The following BABAM2 variants were observed in gnomAD, a reference collection of about 807,000 sequenced individuals.
BABAM2 encodes BRISC and BRCA1-A complex member 2.
In BABAM2, 31 loss-of-function variants were observed where a neutral mutation model predicts 54.7. That is an observed-to-expected ratio of 0.57 (90% CI 0.43 to 0.77). BABAM2 has a LOEUF of 0.77. Ranked by LOEUF, BABAM2 falls within the 30% of genes least tolerant of loss-of-function variation. The pLI is 0.00. For synonymous variants in BABAM2, 167 were observed against 162.9 expected (o/e 1.03, Z -0.19); for missense variants, 364 against 455.8 (o/e 0.80, Z 1.83).
At position 27,929,841 on chromosome 2, in the gene BABAM2, A is replaced by G; in HGVS notation, c.138A>G (p.Ser46=). The change falls in exon 3 of 12, where the codon TCA becomes TCG. Residue 46 remains serine, a synonymous_variant. Coordinates refer to ENST00000379624, the MANE Select transcript of BABAM2 (RefSeq NM_199191.3). The stretch of plus-strand genomic sequence containing the variant: ...TCTGCATTTTTTAAAGCTGCACATC[A>G]TTGACTCCTGGGCCCAACTGTGACC... ...RITDLKSGCT[S]LTPGPNCDRF... 1.9e-6 allele frequency: 3 copies of G among 1,613,662 alleles called. No individual in the cohort carries two copies. Among genetic ancestry groups the G allele is most frequent in the East Asian group, 2.2e-5 (1 of 44,856 alleles).
intron 7 of BABAM2, among the ~76,000 whole-genome samples, chr2:28,203,514 C>G (rs1049944269): frequency 6.6e-5 from 10 of 152,164 alleles, no homozygotes; most frequent in African/African-American, 2.4e-4. Context: ...CCAGTCGGTG[C>G]ATGGCTTTGC....
chr2:28,043,526 C>T (rs996481389), intron 5 of BABAM2, among the ~76,000 whole-genome samples: 5 of 152,188 alleles, frequency 3.3e-5, no homozygotes, highest in Non-Finnish European at 7.3e-5. Context: ...CTCCCAGATT[C>T]TCACTGGGCT....
intron 2 of BABAM2, among the ~76,000 whole-genome samples, chr2:27,921,239 T>G (rs1667325745): frequency 6.6e-6 from 1 of 152,180 alleles, no homozygotes; most frequent in Non-Finnish European, 1.5e-5. Context: ...GATTTATGTG[T>G]TTACAGTTTT....
chr2:28,136,629 A>G (rs17006558), intron 7 of BABAM2, among the ~76,000 whole-genome samples: 2,039 of 152,338 alleles, frequency 0.013, 42 homozygotes, highest in African/African-American at 0.046. Flanking sequence ...GCCCTGTTTC[A>G]TAAGAGCGGT....
intron 11 of BABAM2, among the ~76,000 whole-genome samples, chr2:28,316,396 ATGGGGGTGGGAG>A (rs1308685325): frequency 2.1e-4 from 5 of 24,242 alleles, no homozygotes; most frequent in Non-Finnish European, 2.7e-4. Flanking sequence ...GGGAGTGGAA[ATGGGGGTGGGAG>A]TGGGGGTGGG....
chr2:27,989,911 A>G (rs1672661961), intron 4 of BABAM2, among the ~76,000 whole-genome samples: 1 of 152,156 alleles, frequency 6.6e-6, no homozygotes, highest in Non-Finnish European at 1.5e-5. Context: ...ATTTTATTCT[A>G]ATCTTCCATT....
intron 10 of BABAM2, among the ~76,000 whole-genome samples, chr2:28,263,021 C>G (rs183960350): frequency 1.1e-4 from 16 of 151,572 alleles, no homozygotes; most frequent in Non-Finnish European, 2.1e-4. Flanking sequence ...TGACTTGTGG[C>G]TAAACTTGAA....
At chr2:28,099,617 A>G (rs1180375246) in intron 6 of BABAM2, among the ~76,000 whole-genome samples, 1 of 152,172 alleles carries the variant, frequency 6.6e-6, no homozygotes, top group Non-Finnish European at 1.5e-5. Flanking sequence ...TATTATAGCC[A>G]TACTCATAAA....
At chr2:28,278,630 A>C (rs1686073302) in intron 10 of BABAM2, among the ~76,000 whole-genome samples, 1 of 152,212 alleles carries the variant, frequency 6.6e-6, no homozygotes, top group Non-Finnish European at 1.5e-5. Context: ...AAATTGTGAG[A>C]CTAAAGTGGT....
At chr2:28,176,130 G>T (rs971003898) in intron 7 of BABAM2, among the ~76,000 whole-genome samples, 6 of 152,128 alleles carry the variant, frequency 3.9e-5, no homozygotes, top group Non-Finnish European at 8.8e-5. Flanking sequence ...TGCACCAAAT[G>T]TGCAGATATC....
intron 10 of BABAM2, among the ~76,000 whole-genome samples, chr2:28,247,878 G>A (rs895473217): frequency 6.6e-6 from 1 of 152,212 alleles, no homozygotes; most frequent in Admixed American, 6.5e-5. Flanking sequence ...GCATTGCACA[G>A]ATTCTGGGAT....
In BABAM2 at chr2:27,938,460, C is replaced by T. The variant is rs572110933; in HGVS notation, c.205+8552C>T. Among the ~76,000 whole-genome samples, 94 of 151,840 alleles carry T rather than the reference C, an allele frequency of 6.2e-4. 1 individual carries two copies. The highest frequency in any genetic ancestry group is 1.3e-3 in the Non-Finnish European group (86 of 67,936). ...AGGCTAGAATGCAGTGGCACGGTCT[C>T]GGCTCACTGCAACCTCCGCCTCCTG... On this transcript the variant is annotated intron_variant, in intron 3 of 11. Coordinates refer to ENST00000379624, the MANE Select transcript of BABAM2 (RefSeq NM_199191.3).
rs571276196 is a variant in BABAM2 at position 28,289,605 on chromosome 2, A to G, written c.935-8733A>G. 2.5e-4 allele frequency among the ~76,000 whole-genome samples: 38 copies of G among 152,326 alleles called. No homozygotes were observed. The South Asian group carries it at 6.4e-3, about 26-fold the overall frequency. The stretch of plus-strand genomic sequence containing the variant: ...GAAGTTCAAGACCAGCCTGGCCAAC[A>G]TGGTGAAACCCCATCTCTACAAAAA... On this transcript the variant is annotated intron_variant, in intron 10 of 11. Coordinates refer to ENST00000379624, the MANE Select transcript of BABAM2 (RefSeq NM_199191.3).
At chr2:28,111,067 CA>C (rs1214199951) in intron 6 of BABAM2, among the ~76,000 whole-genome samples, 1 of 150,242 alleles carries the variant, frequency 6.7e-6, no homozygotes, top group Non-Finnish European at 1.5e-5. Flanking sequence ...CTCCTGGGTT[CA>C]AGCAGTTCTC....
chr2:27,926,382 C>T (rs1667708135), intron 2 of BABAM2, among the ~76,000 whole-genome samples: 1 of 152,128 alleles, frequency 6.6e-6, no homozygotes, highest in African/African-American at 2.4e-5. Flanking sequence ...ATTTCTTCCC[C>T]AGATGTACCA....
intron 7 of BABAM2, among the ~76,000 whole-genome samples, chr2:28,130,687 C>G (rs1669953607): frequency 6.6e-6 from 1 of 151,978 alleles, no homozygotes; most frequent in Admixed American, 6.6e-5. Flanking sequence ...CTCCTAGGCT[C>G]AAGTGATTCT....
At chr2:28,128,216 C>T (rs1033541594) in intron 6 of BABAM2, among the ~76,000 whole-genome samples, 13 of 152,086 alleles carry the variant, frequency 8.5e-5, no homozygotes, top group Admixed American at 2.0e-4. Flanking sequence ...AATATAGGTC[C>T]GTTCTTACCA....
In BABAM2 at chr2:28,261,633, C is replaced by T. The variant is rs111749952; in HGVS notation, c.934+16771C>T. Among the ~76,000 whole-genome samples the T allele has an allele frequency of 1.3e-4, 20 of 152,210 alleles. No homozygotes were observed. In the East Asian group the frequency reaches 2.1e-3, roughly 16 times the overall value. The stretch of plus-strand genomic sequence containing the variant: ...GATTACAGGCGTGAGCCACCGCGCC[C>T]GGCCAATTACTTAGAATTTTTATGT... On this transcript the variant is annotated intron_variant, in intron 10 of 11. Transcript: ENST00000379624.
At chr2:27,955,170 A>G (rs1413907025) in intron 3 of BABAM2, among the ~76,000 whole-genome samples, 1 of 152,218 alleles carries the variant, frequency 6.6e-6, no homozygotes, top group Admixed American at 6.5e-5. Context: ...TTGAATCTGT[A>G]GTTGCCAGCC....
Sources: gnomAD v4.1 joint callset for allele counts (sites outside exome capture counted in the v4.1 genomes callset) on GRCh38, gnomAD v4.1.1 for gene constraint, MANE v1.5 for transcripts, NCBI Gene and HGNC (gene_info 2026-07-23, HGNC 2026-07-21) for gene names.